Variants in NCKAP1 observed in about 807,000 individuals in gnomAD.
NCKAP1 encodes nck-associated protein 1.
Under a neutral mutation model 151.2 loss-of-function variants are expected in NCKAP1, and 21 were observed. The observed-to-expected ratio is 0.14, with a 90% confidence interval of 0.10 to 0.20. The LOEUF (loss-of-function observed/expected upper bound fraction) is 0.20. Among genes scored for constraint, NCKAP1 ranks in the 10% least tolerant of loss-of-function variants. NCKAP1 has a pLI of 1.00. For missense variants in NCKAP1, 933 were observed against 1,352.1 expected (o/e 0.69, Z 4.86); for synonymous variants, 484 against 451.8 (o/e 1.07, Z -0.90).
intron 29 of NCKAP1, among the ~76,000 whole-genome samples, chr2:182,927,657 C>T (rs1696676307): frequency 2.0e-5 from 3 of 152,024 alleles, no homozygotes; most frequent in Admixed American, 2.0e-4. Flanking sequence ...ATGAATTTTT[C>T]ACCATTAATT....
At chr2:183,019,083 G>A (rs903307872) in intron 2 of NCKAP1, among the ~76,000 whole-genome samples, 3 of 152,170 alleles carry the variant, frequency 2.0e-5, no homozygotes, top group Non-Finnish European at 2.9e-5. Context: ...ACAACAGCCT[G>A]TGTCCTAGTC....
At chr2:183,018,663 T>A (rs1698740656) in intron 2 of NCKAP1, among the ~76,000 whole-genome samples, 1 of 152,210 alleles carries the variant, frequency 6.6e-6, no homozygotes, top group Non-Finnish European at 1.5e-5. Flanking sequence ...AGTACAATCT[T>A]TTTTTAGCTA....
intron 24 of NCKAP1, among the ~76,000 whole-genome samples, chr2:182,936,415 A>C (rs1575016180): frequency 6.6e-6 from 1 of 152,208 alleles, no homozygotes; most frequent in Non-Finnish European, 1.5e-5. Context: ...AATGACCTAG[A>C]CCTCGAATAG....
At chr2:183,020,214 G>A (rs999131120) in intron 2 of NCKAP1, among the ~76,000 whole-genome samples, 1 of 152,052 alleles carries the variant, frequency 6.6e-6, no homozygotes, top group Admixed American at 6.5e-5. Flanking sequence ...TGTAATCCCA[G>A]CACTTTGGGA....
rs1363898822 is a variant in NCKAP1 at position 182,964,558 on chromosome 2, A to C, written c.1761+118T>G. 5.7e-6 allele frequency: 4 copies of C among 706,788 alleles called. No individual in the cohort carries two copies. The East Asian group carries it at 9.2e-5, about 16-fold the overall frequency. The allele number at this position is 706,788 out of a possible 1,614,324, so 43.8% of individuals were successfully genotyped here. A position where few individuals can be genotyped will look rare whatever the true frequency, so the allele number is the denominator to read the frequency against. On this transcript the variant is annotated intron_variant, in intron 17 of 30. Transcript: ENST00000361354. ...CAAGCACTTTTCTGATTCTGCATAG[A>C]GATGTATTCGATGGGAAGCTAAGTT... is the stretch of plus-strand genomic sequence containing the variant.
chr2:182,958,263 T>C (rs1697365606), intron 18 of NCKAP1, among the ~76,000 whole-genome samples: 1 of 152,176 alleles, frequency 6.6e-6, no homozygotes, highest in Non-Finnish European at 1.5e-5. Flanking sequence ...CTCAGCCTCC[T>C]GAGCTGCTGG....
At chr2:182,938,959 C>T (rs1209302645) in intron 24 of NCKAP1, among the ~76,000 whole-genome samples, 1 of 152,118 alleles carries the variant, frequency 6.6e-6, no homozygotes, top group Non-Finnish European at 1.5e-5. Flanking sequence ...AAGATTTTTA[C>T]TGGTGGAACA....
chr2:182,934,718 G>A, intron 26 of NCKAP1, 34 bp downstream of exon 26: 3 of 1,056,654 alleles, frequency 2.8e-6, no homozygotes, highest in Non-Finnish European at 4.3e-6. Flanking sequence ...TCGCTTTAGA[G>A]ACTGTAAACC....
Position 182,925,658 on chromosome 2 carries a change from C to A in NCKAP1, c.*44G>T. ...TAGTTCCACAGTCTACAGGTAAAAC[C>A]AAGGCAACAAAAATGCGTGCTTATC... On this transcript the variant is annotated 3_prime_UTR_variant, in exon 31 of 31. Transcript: ENST00000361354. 2 of 1,210,914 alleles carry A rather than the reference C, an allele frequency of 1.7e-6. No individual in the cohort carries two copies. Among genetic ancestry groups the A allele is most frequent in the East Asian group, 2.6e-5 (1 of 38,768 alleles). 75.0% of individuals were successfully genotyped at this position (1,210,914 alleles called of 1,614,324 possible).
intron 15 of NCKAP1, among the ~76,000 whole-genome samples, chr2:182,969,833 A>C (rs147152257): frequency 1.3e-5 from 2 of 152,188 alleles, no homozygotes; most frequent in African/African-American, 4.8e-5. Flanking sequence ...AAGAATACAA[A>C]AGATCAACAA....
chr2:183,036,219 G>T (rs1699100260), intron 1 of NCKAP1, among the ~76,000 whole-genome samples: 1 of 152,134 alleles, frequency 6.6e-6, no homozygotes, highest in Non-Finnish European at 1.5e-5. Context: ...ATGAAGGTGG[G>T]ATATTAAAGT....
At chr2:182,956,725 G>A in intron 19 of NCKAP1, 132 bp from the exon 20 acceptor site, 1 of 900,666 alleles carries the variant, frequency 1.1e-6, no homozygotes, top group Non-Finnish European at 1.6e-6. Context: ...CCTAAACTGA[G>A]AAAGTTCAAA....
chr2:182,962,823 GAA>G (rs75963920), intron 17 of NCKAP1, among the ~76,000 whole-genome samples: 1 of 119,618 alleles, frequency 8.4e-6, no homozygotes, highest in Admixed American at 8.4e-5. Context: ...CTCCCAGGAA[GAA>G]AAAAAAAAAA....
intron 2 of NCKAP1, among the ~76,000 whole-genome samples, chr2:183,006,775 C>G (rs16823924): frequency 0.043 from 6,481 of 151,804 alleles, 191 homozygotes; most frequent in South Asian, 0.13. Context: ...CAGAAAATGG[C>G]CTAAGAACAT....
At chr2:182,986,068 C>G in intron 10 of NCKAP1, 103 bp downstream of exon 10, 1 of 1,034,894 alleles carries the variant, frequency 9.7e-7, no homozygotes, top group South Asian at 1.5e-5. Context: ...CCCTCTTCTA[C>G]TACCATATCT....
chr2:182,952,967 T>G (rs1697244641), intron 21 of NCKAP1, 44 bp from the exon 22 acceptor site: 2 of 1,570,798 alleles, frequency 1.3e-6, no homozygotes, highest in Non-Finnish European at 1.7e-6. Context: ...ACTGCTTAAT[T>G]CAGAATGTAT....
intron 8 of NCKAP1, among the ~76,000 whole-genome samples, chr2:182,990,307 G>T (rs996727935): frequency 5.3e-5 from 8 of 151,574 alleles, no homozygotes; most frequent in Non-Finnish European, 1.0e-4. Flanking sequence ...CCAAGAACTG[G>T]GATTACAGGT....
At chr2:183,002,480 G>A (rs1459840188) in intron 4 of NCKAP1, among the ~76,000 whole-genome samples, 1 of 152,004 alleles carries the variant, frequency 6.6e-6, no homozygotes. Context: ...ATGGATGAAA[G>A]AAAAAGAGCT....
intron 1 of NCKAP1, among the ~76,000 whole-genome samples, chr2:183,031,924 C>T (rs914877194): frequency 6.6e-6 from 1 of 152,056 alleles, no homozygotes; most frequent in African/African-American, 2.4e-5. Context: ...GTGCAGCCTT[C>T]CAGAAATTTA....
Sources: allele counts gnomAD v4.1 joint callset (sites outside exome capture counted in the v4.1 genomes callset), GRCh38; gene constraint gnomAD v4.1.1; transcripts MANE v1.5; gene names NCBI Gene and HGNC (gene_info 2026-07-23, HGNC 2026-07-21).